CDC42BPA: variants seen among roughly 807,000 people sequenced by gnomAD.
The protein encoded by CDC42BPA is CDC42 binding protein kinase alpha.
A neutral mutation model predicts 223.5 loss-of-function variants in CDC42BPA; 80 were observed. The ratio of observed to expected loss-of-function variants is 0.36; its 90% confidence interval spans 0.30 to 0.43. CDC42BPA has a LOEUF of 0.43. CDC42BPA is among the 20% of genes least tolerant of loss of function. The pLI, the probability that CDC42BPA is intolerant of heterozygous loss-of-function variation, is 1.00. For missense variants in CDC42BPA, 1,743 were observed against 2,099.9 expected (o/e 0.83, Z 3.32); for synonymous variants, 694 against 718.6 (o/e 0.97, Z 0.55).
intron 21 of CDC42BPA, among the ~76,000 whole-genome samples, chr1:227,053,591 GT>G (rs1673970554): frequency 1.3e-5 from 2 of 152,164 alleles, no homozygotes; most frequent in African/African-American, 2.4e-5. Flanking sequence ...AGCCAGGCCT[GT>G]ATCCCAACTC....
chr1:227,212,032 C>T (rs1674006920), intron 3 of CDC42BPA, among the ~76,000 whole-genome samples: 1 of 151,650 alleles, frequency 6.6e-6, no homozygotes, highest in Non-Finnish European at 1.5e-5. Flanking sequence ...CTGTAATATG[C>T]TATTATTTGT....
intron 5 of CDC42BPA, among the ~76,000 whole-genome samples, chr1:227,167,520 A>G (rs1375778900): frequency 6.6e-6 from 1 of 152,116 alleles, no homozygotes; most frequent in East Asian, 1.9e-4. Flanking sequence ...AATGCTTCTC[A>G]GTTTCCTTTC....
At chr1:227,185,944 C>A (rs1668707200) in intron 5 of CDC42BPA, among the ~76,000 whole-genome samples, 1 of 152,184 alleles carries the variant, frequency 6.6e-6, no homozygotes, top group Admixed American at 6.5e-5. Flanking sequence ...CCTGAACAAA[C>A]TGAAAAATCA....
chr1:227,141,955 A>G (rs1031742527), intron 9 of CDC42BPA, among the ~76,000 whole-genome samples: 1 of 152,156 alleles, frequency 6.6e-6, no homozygotes, highest in Admixed American at 6.5e-5. Context: ...TCTGCTGCCC[A>G]GAACAAGACC....
At chr1:227,266,630 T>C (rs114722442) in intron 1 of CDC42BPA, among the ~76,000 whole-genome samples, 4 of 152,344 alleles carry the variant, frequency 2.6e-5, no homozygotes, top group Non-Finnish European at 5.9e-5. Flanking sequence ...CACTAGTTTA[T>C]AACTTATCTC....
intron 1 of CDC42BPA, among the ~76,000 whole-genome samples, chr1:227,265,445 T>C (rs1428561159): frequency 6.6e-6 from 1 of 152,020 alleles, no homozygotes; most frequent in Admixed American, 6.5e-5. Context: ...CAGTAGCTCA[T>C]GCCTGTAATC....
chr1:227,163,292 C>G (rs933844917), intron 5 of CDC42BPA, among the ~76,000 whole-genome samples: 12 of 151,980 alleles, frequency 7.9e-5, no homozygotes, highest in African/African-American at 2.9e-4. Flanking sequence ...TAATTATATA[C>G]ATATCAAAAT....
chr1:227,036,630 C>T (rs758014039), intron 24 of CDC42BPA, among the ~76,000 whole-genome samples: 2 of 151,984 alleles, frequency 1.3e-5, no homozygotes, highest in African/African-American at 2.4e-5. Context: ...GGGGTTTCAC[C>T]GTGTTAGCCA....
At chr1:227,171,125 C>G (rs1666028001) in intron 5 of CDC42BPA, among the ~76,000 whole-genome samples, 1 of 152,088 alleles carries the variant, frequency 6.6e-6, no homozygotes, top group South Asian at 2.1e-4. Context: ...TTCATGAAAA[C>G]TGAGAAATGT....
At position 227,139,731 on chromosome 1, in the gene CDC42BPA, T is replaced by G; in HGVS notation, c.1235A>C (p.Asp412Ala). Residue 412 changes from aspartate (D) to alanine (A), a missense_variant, in exon 10 of 37, where the codon GAT becomes GCT. Asp to Ala is a moderately radical substitution (Grantham distance 126). Coordinates refer to ENST00000366766, the MANE Select transcript of CDC42BPA (RefSeq NM_001394014.1). ...FTYTSSCVLS[D>A]RSCLRVTAGP... ...AGCCGTAACTCTTAAACAGCTCCGA[T>G]CAGAAAGTACACTGAAGAAAAGAAA... The G allele has an allele frequency of 6.5e-7, 1 of 1,543,898 alleles. No homozygotes were observed. The highest frequency in any genetic ancestry group is 8.7e-7 in the Non-Finnish European group (1 of 1,151,492).
At chr1:227,048,227 T>C (rs1351177166) in intron 22 of CDC42BPA, among the ~76,000 whole-genome samples, 1 of 152,084 alleles carries the variant, frequency 6.6e-6, no homozygotes, top group Non-Finnish European at 1.5e-5. Flanking sequence ...ATTTGTTCAA[T>C]TAGTAAGTTA....
chr1:227,236,034 T>C (rs12033050), intron 2 of CDC42BPA, among the ~76,000 whole-genome samples: 25,958 of 152,178 alleles, frequency 0.17, 2,258 homozygotes, highest in Middle Eastern at 0.2. Context: ...TGTATATATA[T>C]CCTCTCTGTT....
chr1:227,194,885 A>T (rs1670410912), intron 4 of CDC42BPA, among the ~76,000 whole-genome samples: 1 of 152,218 alleles, frequency 6.6e-6, no homozygotes, highest in Admixed American at 6.5e-5. Context: ...TAACTACAAT[A>T]ATGATAATGT....
intron 4 of CDC42BPA, among the ~76,000 whole-genome samples, chr1:227,198,758 TG>T (rs1254386619): frequency 2.1e-4 from 4 of 18,756 alleles, no homozygotes; most frequent in African/African-American, 5.0e-4. Context: ...TATTTAAATG[TG>T]TTTTTTTTTT....
intron 3 of CDC42BPA, among the ~76,000 whole-genome samples, chr1:227,199,944 T>C (rs1345562579): frequency 1.3e-5 from 2 of 152,182 alleles, no homozygotes; most frequent in Admixed American, 6.5e-5. Context: ...ATAATATAAA[T>C]GTCTACATTT....
chr1:227,176,421 CAAT>C (rs1263049605), intron 5 of CDC42BPA, among the ~76,000 whole-genome samples: 2 of 152,112 alleles, frequency 1.3e-5, no homozygotes, highest in East Asian at 1.9e-4. Context: ...ATAAACACAA[CAAT>C]GTCAAAATAA....
At chr1:227,161,395 C>T (rs1663862917) in intron 5 of CDC42BPA, among the ~76,000 whole-genome samples, 1 of 152,156 alleles carries the variant, frequency 6.6e-6, no homozygotes, top group Non-Finnish European at 1.5e-5. Context: ...ACCCACCCAA[C>T]TCACTCTACT....
chr1:227,026,198 T>A, intron 30 of CDC42BPA, 46 bp from the exon 31 acceptor site: 1 of 999,808 alleles, frequency 1.0e-6, no homozygotes, highest in Non-Finnish European at 1.6e-6. Context: ...CTTTTAACTA[T>A]TAAACCCCAA....
rs920858173 is a variant in CDC42BPA at position 227,246,245 on chromosome 1, G to A, written c.270+7819C>T. ...GCATGTGGAAAGGGGAGAGAAGAGC[G>A]GGAAGAACTTTTTGTATTGTGGTTT... On this transcript the variant is annotated intron_variant, in intron 2 of 36. Transcript: ENST00000366766. Among the ~76,000 whole-genome samples, 12 of 152,332 alleles carry A rather than the reference G, an allele frequency of 7.9e-5. No individual in the cohort carries two copies. The East Asian group carries it at 1.2e-3, about 15-fold the overall frequency.
Sources: allele counts gnomAD v4.1 joint callset (sites outside exome capture counted in the v4.1 genomes callset), GRCh38; gene constraint gnomAD v4.1.1; transcripts MANE v1.5; gene names NCBI Gene and HGNC (gene_info 2026-07-23, HGNC 2026-07-21).